RRP9: variants seen among roughly 807,000 people sequenced by gnomAD.
RRP9 encodes U3 small nucleolar RNA-interacting protein 2.
A neutral mutation model predicts 65.5 loss-of-function variants in RRP9; 35 were observed. That is an observed-to-expected ratio of 0.53 (90% CI 0.41 to 0.71). The LOEUF (loss-of-function observed/expected upper bound fraction) is 0.71, where lower values mean the gene tolerates loss of function less well. Ranked by LOEUF, RRP9 falls within the 30% of genes least tolerant of loss-of-function variation. RRP9 has a pLI of 0.00. For synonymous variants in RRP9, 254 were observed against 245.0 expected, an observed-to-expected ratio of 1.04 and a Z score of -0.34; for missense variants, 533 against 633.6, an observed-to-expected ratio of 0.84 and a Z score of 1.70.
chr3:51,939,357 G>A (rs150785094), intron 2 of RRP9, among the ~76,000 whole-genome samples: 116 of 152,336 alleles, frequency 7.6e-4, no homozygotes, highest in Middle Eastern at 3.4e-3. Flanking sequence ...ACTCAATTTA[G>A]CCAAACTAAT....
rs1286892543 is a variant in RRP9, at chr3:51,935,136, C to T, written c.1034+61G>A. 28 of 1,589,502 alleles carry T rather than the reference C, an allele frequency of 1.8e-5. 1 individual carries two copies. The Middle Eastern group carries it at 5.1e-4, about 29-fold the overall frequency. On this transcript the variant is annotated intron_variant, in intron 11 of 14. Transcript: ENST00000232888. ...GTGCCCTGAGGCAAGCTCAGGGCCC[C>T]GTGGACAGCCAGCACTCAGGAGCAG... is the stretch of plus-strand genomic sequence containing the variant.
chr3:51,941,876 C>A lies in RRP9; in HGVS notation c.-9G>T. On this transcript the variant is annotated 5_prime_UTR_variant, in exon 1 of 15. Coordinates refer to ENST00000232888, the MANE Select transcript of RRP9 (RefSeq NM_004704.5). Reference sequence around the variant, plus strand: ...GCCGCTGTTGCCGACATGCTGCCCACCAGGCGTGTAGCAGCGGCCGCAGAA... The same window carrying A: ...GCCGCTGTTGCCGACATGCTGCCCAACAGGCGTGTAGCAGCGGCCGCAGAA... 1 of 1,574,566 alleles carries A rather than the reference C, an allele frequency of 6.4e-7. No individual in the cohort carries two copies. Among genetic ancestry groups the A allele is most frequent in the Non-Finnish European group, 8.6e-7 (1 of 1,167,868 alleles).
rs202226525 is a variant in RRP9 at position 51,937,336 on chromosome 3, A to G, written c.391-18T>C. 4.1e-4 allele frequency: 667 copies of G among 1,613,948 alleles called. 4 individuals are homozygous for G. In the African/African-American group the frequency reaches 7.2e-3, roughly 17 times the overall value. On this transcript the variant is annotated intron_variant, in intron 5 of 14. Transcript: ENST00000232888. This position sits in a 1 kb window ranked among gnomAD's most constrained non-coding sequence, Gnocchi z 5.0. Reference sequence around the variant, plus strand: ...GCCTGGATCTGGGCAGACAGGGGCCAGGTCACTGTGGCTAGTGGCATAAAG... The same window carrying G: ...GCCTGGATCTGGGCAGACAGGGGCCGGGTCACTGTGGCTAGTGGCATAAAG...
At chr3:51,936,405 T>C (rs767245022) in intron 7 of RRP9, 26 bp downstream of exon 7, 2 of 1,614,216 alleles carry the variant, frequency 1.2e-6, no homozygotes, top group South Asian at 2.2e-5. Flanking sequence ...ACCTCCCGCC[T>C]GCCCCCAGGG....
At chr3:51,936,848 C>T (rs913491625) in intron 6 of RRP9, among the ~76,000 whole-genome samples, 3 of 152,174 alleles carry the variant, frequency 2.0e-5, no homozygotes, top group Non-Finnish European at 2.9e-5. Flanking sequence ...TAGAAGGAAC[C>T]GCTGGTCAGC....
intron 8 of RRP9, 37 bp from the exon 9 acceptor site, chr3:51,935,729 A>T (rs764718955): frequency 4.5e-6 from 7 of 1,546,698 alleles, no homozygotes; most frequent in Non-Finnish European, 6.3e-6. Context: ...GGGGACCTGG[A>T]CTACAGCAGG....
chr3:51,933,866 T>A, intron 13 of RRP9, 85 bp from the exon 14 acceptor site: 1 of 1,349,288 alleles, frequency 7.4e-7, no homozygotes. Flanking sequence ...CTGGGCCTTA[T>A]CAGGCCTGGG....
chr3:51,934,503 C>G lies in RRP9; in HGVS notation c.1229G>C (p.Arg410Pro), dbSNP rs781032974. Residue 410 changes from arginine to proline, a missense_variant, in exon 13 of 15, where the codon CGG (arginine) becomes CCG (proline). Arg to Pro is a moderately radical substitution (Grantham distance 103, BLOSUM62 -2). Transcript: ENST00000232888. The surrounding 1 kb of genome is among the most constrained non-coding windows in gnomAD (Gnocchi z 4.1). The stretch of plus-strand genomic sequence containing the variant: ...GATGTCACAGAGAAGGTCAAGCTGC[C>G]GGAAGCCTTCCCCACACTGCCAAAG... ...VRLWQCGEGF[R>P]QLDLLCDIPL... 1.2e-6 allele frequency: 2 copies of G among 1,613,968 alleles called. No homozygotes were observed. Among genetic ancestry groups the G allele is most frequent in the South Asian group, 2.2e-5 (2 of 91,058 alleles).
chr3:51,940,495 C>T (rs1199722752), intron 2 of RRP9, among the ~76,000 whole-genome samples: 7 of 152,084 alleles, frequency 4.6e-5, no homozygotes, highest in Non-Finnish European at 4.4e-5. Context: ...AATCTACATG[C>T]ACTTATGACC....
At position 51,934,080 on chromosome 3, in the gene RRP9, C is replaced by G. The variant is rs1699422787; in HGVS notation, c.1261-299G>C. On this transcript the variant is annotated intron_variant, in intron 13 of 14. Coordinates refer to ENST00000232888, the MANE Select transcript of RRP9 (RefSeq NM_004704.5). This position sits in a 1 kb window ranked among gnomAD's most constrained non-coding sequence, Gnocchi z 4.1. The stretch of plus-strand genomic sequence containing the variant: ...GGGCCCTGGAGACCCCATGACTGTC[C>G]CCACTGACCTAGACCCTGCATTCTC... 6.6e-6 allele frequency among the ~76,000 whole-genome samples: 1 copy of G among 152,146 alleles called. No individual in the cohort carries two copies. Among genetic ancestry groups the G allele is most frequent in the Non-Finnish European group, 1.5e-5 (1 of 68,008 alleles).
chr3:51,938,645 G>A (rs1425260147), intron 2 of RRP9, among the ~76,000 whole-genome samples: 3 of 152,140 alleles, frequency 2.0e-5, no homozygotes, highest in Non-Finnish European at 2.9e-5. Context: ...AATCAACGAC[G>A]ACACTGCCAG....
intron 14 of RRP9, 48 bp from the exon 15 acceptor site, chr3:51,933,647 C>G: frequency 2.5e-6 from 4 of 1,611,354 alleles, no homozygotes; most frequent in Non-Finnish European, 3.4e-6. Flanking sequence ...GTCTCCACCC[C>G]ATTTCCACCG....
intron 2 of RRP9, 94 bp downstream of exon 2, chr3:51,941,315 G>A: frequency 9.4e-7 from 1 of 1,068,416 alleles, no homozygotes; most frequent in South Asian, 1.3e-5. Flanking sequence ...ACAGAGTCTT[G>A]GATTCTAGGC....
intron 2 of RRP9, among the ~76,000 whole-genome samples, chr3:51,940,738 C>A (rs1699512729): frequency 6.6e-6 from 1 of 152,042 alleles, no homozygotes; most frequent in African/African-American, 2.4e-5. Context: ...GTCTCAAACT[C>A]CTGACATCAA....
Position 51,934,418 on chromosome 3 carries a change from G to A in RRP9, c.1260+54C>T, listed in dbSNP as rs1577649133. On this transcript the variant is annotated intron_variant, in intron 13 of 14. Coordinates refer to ENST00000232888, the MANE Select transcript of RRP9 (RefSeq NM_004704.5). This position sits in a 1 kb window ranked among gnomAD's most constrained non-coding sequence, Gnocchi z 4.1. The stretch of plus-strand genomic sequence containing the variant: ...GAAAGACCTTAAAGAGCTAACTCCA[G>A]GGGCCTAGGCAGTGTGGCAGAGACA... 1.9e-6 allele frequency: 3 copies of A among 1,539,284 alleles called. No individual in the cohort carries two copies. The East Asian group carries it at 6.8e-5, about 35-fold the overall frequency.
intron 6 of RRP9, 84 bp from the exon 7 acceptor site, chr3:51,936,639 A>G: frequency 6.9e-7 from 1 of 1,443,886 alleles, no homozygotes; most frequent in South Asian, 1.2e-5. Flanking sequence ...GCATGGAAAA[A>G]AGAGCCATGG....
intron 1 of RRP9, 71 bp from the exon 2 acceptor site, chr3:51,941,562 C>CCCA (rs1699533001): frequency 1.4e-6 from 2 of 1,401,208 alleles, no homozygotes; most frequent in Admixed American, 1.7e-5. Context: ...GGCCCCCCCC[C>CCCA]CTCGGTTCCC....
In RRP9 at chr3:51,933,510, G is replaced by A; in HGVS notation, c.1424C>T (p.Ser475Phe). Residue 475 changes from serine (S) to phenylalanine (F), a missense_variant, in exon 15 of 15, where the codon TCC becomes TTC. This residue lies in a region of RRP9 where 449 missense variants were observed against 550.6 expected (regional missense o/e 0.82). Coordinates refer to ENST00000232888, the MANE Select transcript of RRP9 (RefSeq NM_004704.5). The stretch of plus-strand genomic sequence containing the variant: ...TAAATAAGGAGGATAAGAGTGTCAG[G>A]AACCAGCAGCTGGGGGTACAGGGAC... ...RRVPVPPAAGS is the reference protein window; with the variant it reads ...RRVPVPPAAGF 3 of 1,613,396 alleles carry A rather than the reference G, an allele frequency of 1.9e-6. No individual in the cohort carries two copies. Among genetic ancestry groups the A allele is most frequent in the Non-Finnish European group, 2.5e-6 (3 of 1,179,400 alleles).
At chr3:51,935,764 G>C in intron 8 of RRP9, 72 bp from the exon 9 acceptor site, 1 of 1,326,188 alleles carries the variant, frequency 7.5e-7, no homozygotes, top group South Asian at 1.2e-5. Flanking sequence ...GGCCCAGGGA[G>C]GACTTCCCAA....
Sources: allele counts gnomAD v4.1 joint callset (sites outside exome capture counted in the v4.1 genomes callset), GRCh38; gene constraint gnomAD v4.1.1; regional missense constraint gnomAD v4.1.1; non-coding constraint Gnocchi (gnomAD v3.1); transcripts MANE v1.5; gene names NCBI Gene and HGNC (gene_info 2026-07-23, HGNC 2026-07-21).